The following LINGO2 variants were observed in gnomAD, a reference collection of about 807,000 sequenced individuals.
The protein encoded by LINGO2 is leucine-rich repeat and immunoglobulin-like domain-containing nogo receptor-interacting protein 2.
A neutral mutation model predicts 30.6 loss-of-function variants in LINGO2; 14 were observed. That is an observed-to-expected ratio of 0.46 (90% CI 0.30 to 0.72). The LOEUF is 0.72. LINGO2 is among the 30% of genes least tolerant of loss of function. The pLI is 0.07. For synonymous variants in LINGO2, 317 were observed against 288.5 expected (o/e 1.10, Z -1.00); for missense variants, 729 against 751.7 (o/e 0.97, Z 0.35).
the LINGO2 span, among the ~76,000 whole-genome samples, chr9:28,769,715 GTTC>G: frequency 2.1e-5 from 3 of 143,214 alleles, no homozygotes; most frequent in Admixed American, 2.1e-4. Flanking sequence ...TATTTGTTCT[GTTC>G]TTCTGCTTTA....
chr9:28,223,079 A>C (rs1196371029), intron 4 of LINGO2, among the ~76,000 whole-genome samples: 4 of 152,234 alleles, frequency 2.6e-5, no homozygotes, highest in Non-Finnish European at 5.9e-5. Context: ...AAATTGAGGG[A>C]CTTGCACTCA....
chr9:28,718,895 G>T, the LINGO2 span, among the ~76,000 whole-genome samples: 2 of 151,854 alleles, frequency 1.3e-5, no homozygotes, highest in Non-Finnish European at 2.9e-5. Context: ...TCTATGATCT[G>T]CCCCCTTCTT....
chr9:28,126,263 A>G (rs1175256094), intron 4 of LINGO2, among the ~76,000 whole-genome samples: 1 of 152,172 alleles, frequency 6.6e-6, no homozygotes, highest in African/African-American at 2.4e-5. Context: ...TTTGGCTACT[A>G]CAAAAACATA....
In LINGO2 at chr9:28,591,314, T is replaced by A. The variant is rs146967070; in HGVS notation, c.-365+78886A>T. 5.7e-3 allele frequency among the ~76,000 whole-genome samples: 864 copies of A among 151,744 alleles called. 11 individuals are homozygous for A. Among genetic ancestry groups the A allele is most frequent in the African/African-American group, 0.02 (829 of 41,450 alleles). On this transcript the variant is annotated intron_variant, in intron 1 of 5. Transcript: ENST00000379992. ...CCTAAAACTTAAAGTATAATAAAAATATATATATATAAAAGTCACTGATTG... is the reference window on the plus strand; with the variant it reads ...CCTAAAACTTAAAGTATAATAAAAAAATATATATATAAAAGTCACTGATTG...
chr9:29,175,433 C>T, the LINGO2 span, among the ~76,000 whole-genome samples: 1 of 152,078 alleles, frequency 6.6e-6, no homozygotes, highest in Non-Finnish European at 1.5e-5. Flanking sequence ...ACTTTGTGCA[C>T]CTGCTCTAAA....
chr9:28,483,190 C>G (rs1269004396), intron 1 of LINGO2, among the ~76,000 whole-genome samples: 2 of 152,074 alleles, frequency 1.3e-5, no homozygotes, highest in African/African-American at 2.4e-5. Context: ...CTCCTTAACT[C>G]TATTATCATC....
the LINGO2 span, among the ~76,000 whole-genome samples, chr9:28,962,601 G>C: frequency 6.6e-6 from 1 of 151,682 alleles, no homozygotes; most frequent in Non-Finnish European, 1.5e-5. Context: ...ATATTTTACT[G>C]TAAAAGTATC....
At chr9:28,927,904 T>C in the LINGO2 span, among the ~76,000 whole-genome samples, 1 of 152,214 alleles carries the variant, frequency 6.6e-6, no homozygotes, top group Admixed American at 6.5e-5. Flanking sequence ...GAGTTGTGAT[T>C]CAGAGACAAG....
chr9:28,413,328 T>G (rs897626594), intron 2 of LINGO2, among the ~76,000 whole-genome samples: 17 of 152,248 alleles, frequency 1.1e-4, no homozygotes, highest in African/African-American at 3.9e-4. Flanking sequence ...CATTTTGTGG[T>G]TGGGAAAGTG....
chr9:28,792,900 T>G, the LINGO2 span, among the ~76,000 whole-genome samples: 1 of 152,164 alleles, frequency 6.6e-6, no homozygotes, highest in African/African-American at 2.4e-5. Flanking sequence ...AACTCATACT[T>G]ACCTAATAGC....
the LINGO2 span, among the ~76,000 whole-genome samples, chr9:29,083,618 C>T: frequency 6.7e-6 from 1 of 149,364 alleles, no homozygotes; most frequent in Non-Finnish European, 1.5e-5. Flanking sequence ...GGGGAGCACC[C>T]AAAGATAAAT....
intron 5 of LINGO2, among the ~76,000 whole-genome samples, chr9:27,971,347 T>A (rs1036780289): frequency 1.3e-5 from 2 of 152,084 alleles, no homozygotes; most frequent in Non-Finnish European, 2.9e-5. Flanking sequence ...AAAATGAACA[T>A]ACTGCACATC....
chr9:28,880,059 A>T, the LINGO2 span, among the ~76,000 whole-genome samples: 1 of 152,166 alleles, frequency 6.6e-6, no homozygotes, highest in African/African-American at 2.4e-5. Flanking sequence ...TGTATTAGGG[A>T]TAATGTAAAT....
chr9:28,339,717 A>G (rs1825705433), intron 3 of LINGO2, among the ~76,000 whole-genome samples: 1 of 152,186 alleles, frequency 6.6e-6, no homozygotes, highest in Non-Finnish European at 1.5e-5. Context: ...TGAAATCTGC[A>G]TATACTTGAA....
intron 4 of LINGO2, among the ~76,000 whole-genome samples, chr9:28,278,063 G>C (rs965328110): frequency 6.6e-6 from 1 of 152,140 alleles, no homozygotes; most frequent in Non-Finnish European, 1.5e-5. Context: ...AAATTGTAGT[G>C]GTCTGGATAG....
rs540180695 is a variant in LINGO2, at chr9:28,279,421, C to G, written c.-87+15787G>C. On this transcript the variant is annotated intron_variant, in intron 4 of 5. Transcript: ENST00000379992. ...TTGATGTGGCAAAGTTAATTGTTTT[C>G]TTATTTCTAAAAATTGCCACAGCCA... Among the ~76,000 whole-genome samples, 3 of 152,152 alleles carry G rather than the reference C, an allele frequency of 2.0e-5. No homozygotes were observed. In the East Asian group the frequency reaches 5.8e-4, roughly 29 times the overall value.
chr9:28,952,758 T>C, the LINGO2 span, among the ~76,000 whole-genome samples: 1 of 152,160 alleles, frequency 6.6e-6, no homozygotes, highest in Non-Finnish European at 1.5e-5. Flanking sequence ...GCTGCATGAA[T>C]GTCCCAGCAG....
chr9:28,429,434 T>C (rs756582723), intron 2 of LINGO2, among the ~76,000 whole-genome samples: 8 of 152,180 alleles, frequency 5.3e-5, no homozygotes, highest in Non-Finnish European at 1.0e-4. Context: ...TTAAAAGTTG[T>C]ACCAAGAAAC....
intron 1 of LINGO2, among the ~76,000 whole-genome samples, chr9:28,669,646 A>G (rs1588050559): frequency 6.6e-6 from 1 of 152,106 alleles, no homozygotes; most frequent in African/African-American, 2.4e-5. Context: ...AGACATTCCA[A>G]GAAAAGGAAG....
Sources: gnomAD v4.1 joint callset for allele counts (sites outside exome capture counted in the v4.1 genomes callset) on GRCh38, gnomAD v4.1.1 for gene constraint, MANE v1.5 for transcripts, NCBI Gene and HGNC (gene_info 2026-07-23, HGNC 2026-07-21) for gene names.